TMEM184A: variants seen among roughly 807,000 people sequenced by gnomAD.
TMEM184A encodes the protein sexually dimorphic, expressed in male gonads 1.
TMEM184A carries 40 observed loss-of-function variants against 39.5 expected under a neutral mutation model. The ratio of observed to expected loss-of-function variants is 1.01; its 90% CI spans 0.79 to 1.32. TMEM184A has a LOEUF of 1.32. TMEM184A is among the 40% of genes most tolerant of loss of function. TMEM184A has a pLI of 0.00. For missense variants in TMEM184A, 603 were observed against 568.8 expected, an observed-to-expected ratio of 1.06 and a Z score of -0.61; for synonymous variants, 280 against 252.3, an observed-to-expected ratio of 1.11 and a Z score of -1.04.
rs3837151 is a variant in TMEM184A at position 1,547,027 on chromosome 7, G to GCC, written c.1166_1167insGG (p.Ser390AlafsTer19). 5.0e-5 allele frequency: 81 copies of GCC among 1,604,604 alleles called. No homozygotes were observed. In the Middle Eastern group the frequency reaches 1.1e-3, roughly 22 times the overall value. On this transcript the variant is annotated frameshift_variant, in exon 9 of 9. Transcript: ENST00000297477. LOFTEE classifies it low-confidence loss of function (END_TRUNC). Reference sequence around the variant, plus strand: ...TCCTGCTCCCGCCGGAGCCGCCGCTGGGGTGGGTGCCGGGCCTGGGCGCCT... The same window carrying GCC: ...TCCTGCTCCCGCCGGAGCCGCCGCTGCCGGGTGGGTGCCGGGCCTGGGCGCCT...
chr7:1,554,144 A>T (rs190201159), intron 2 of TMEM184A, among the ~76,000 whole-genome samples: 2 of 152,152 alleles, frequency 1.3e-5, no homozygotes, highest in East Asian at 3.9e-4. Flanking sequence ...TTCACAGCTC[A>T]CTGCAACCTT....
Position 1,546,639 on chromosome 7 carries a change from A to T in TMEM184A, c.*313T>A. The T allele has an allele frequency of 3.1e-6, 1 of 320,044 alleles. No homozygotes were observed. The highest frequency in any genetic ancestry group is 5.4e-5 in the East Asian group (1 of 18,362). 19.8% of individuals were successfully genotyped at this position (320,044 alleles called of 1,614,324 possible). A position where few individuals can be genotyped will look rare whatever the true frequency, so the allele number is the denominator to read the frequency against. On this transcript the variant is annotated 3_prime_UTR_variant, in exon 9 of 9. Coordinates refer to ENST00000297477, the MANE Select transcript of TMEM184A (RefSeq NM_001097620.2). The stretch of plus-strand genomic sequence containing the variant: ...GGGGTCCGTGCAGCCAAGGCCCCGC[A>T]GCCACACTCACTCTCCGCCCCACAG...
In TMEM184A at chr7:1,555,727, T is replaced by C. The variant is rs1424012965; in HGVS notation, c.1-243A>G. ...TGAGGGTCCCACCTCAATTCCCCCTTGTAAAACCAGCTTCCAACTCCGAGT... is the reference window on the plus strand; with the variant it reads ...TGAGGGTCCCACCTCAATTCCCCCTCGTAAAACCAGCTTCCAACTCCGAGT... On this transcript the variant is annotated intron_variant, in intron 1 of 8. Transcript: ENST00000297477. This position sits in a 1 kb window ranked among gnomAD's most constrained non-coding sequence, Gnocchi z 5.2. 6.6e-6 allele frequency among the ~76,000 whole-genome samples: 1 copy of C among 152,128 alleles called. No individual in the cohort carries two copies. The highest frequency in any genetic ancestry group is 1.5e-5 in the Non-Finnish European group (1 of 67,992).
chr7:1,551,946 A>C (rs1437780389), intron 2 of TMEM184A, among the ~76,000 whole-genome samples: 1 of 151,866 alleles, frequency 6.6e-6, no homozygotes, highest in African/African-American at 2.4e-5. Flanking sequence ...CAAAAAAAAA[A>C]AAATATTTTT....
chr7:1,547,040 G>T lies in TMEM184A; in HGVS notation c.1154C>A (p.Pro385His), dbSNP rs753122510. The T allele has an allele frequency of 1.2e-6, 2 of 1,606,630 alleles. No individual in the cohort carries two copies. Among genetic ancestry groups the T allele is most frequent in the South Asian group, 2.2e-5 (2 of 90,974 alleles). Reference sequence around the variant, plus strand: ...GGAGCCGCCGCTGGGGTGGGTGCCGGGCCTGGGCGCCTCGTGCGTGGCCTG... The same window carrying T: ...GGAGCCGCCGCTGGGGTGGGTGCCGTGCCTGGGCGCCTCGTGCGTGGCCTG... ...TQQATHEAPR[P>H]GTHPSGGSGG... The change falls in exon 9 of 9, where the codon CCC becomes CAC. Residue 385 changes from proline to histidine, a missense_variant. Coordinates refer to ENST00000297477, the MANE Select transcript of TMEM184A (RefSeq NM_001097620.2).
chr7:1,546,565 C>T lies in TMEM184A; in HGVS notation c.*387G>A, dbSNP rs1030896411. ...CCAGCTGCCCAGCCTGGGATCCGTC[C>T]GCTGTCTGTCTCCTGAACCAGGGAG... On this transcript the variant is annotated 3_prime_UTR_variant, in exon 9 of 9. Coordinates refer to ENST00000297477, the MANE Select transcript of TMEM184A (RefSeq NM_001097620.2). 10 of 185,354 alleles carry T rather than the reference C, an allele frequency of 5.4e-5. No individual in the cohort carries two copies. Among genetic ancestry groups the T allele is most frequent in the Admixed American group, 1.2e-4 (2 of 16,272 alleles). 11.5% of individuals were successfully genotyped at this position (185,354 alleles called of 1,614,324 possible).
In TMEM184A at chr7:1,555,401, A is replaced by T; in HGVS notation, c.84T>A (p.Ala28=). The T allele has an allele frequency of 6.2e-7, 1 of 1,611,778 alleles. No homozygotes were observed. The highest frequency in any genetic ancestry group is 8.5e-7 in the Non-Finnish European group (1 of 1,179,608). The part of the protein sequence containing the change: ...ANWPQPSPPP[A]VPAGPQMDHM... ...GGTCCATCTGCGGCCCAGCTGGCAC[A>T]GCCGGTGGGGGGCTGGGCTGCGGCC... The change falls in exon 2 of 9, where the codon GCT becomes GCA. Residue 28 remains alanine (A), a synonymous_variant. Transcript: ENST00000297477. The surrounding 1 kb of genome is among the most constrained non-coding windows in gnomAD (Gnocchi z 5.2).
intron 6 of TMEM184A, chr7:1,549,501 G>A (rs1343425787): frequency 2.1e-6 from 1 of 482,214 alleles, no homozygotes; most frequent in South Asian, 1.5e-5. Context: ...CTGGCCAGAA[G>A]CCCTGGGGTC....
intron 2 of TMEM184A, among the ~76,000 whole-genome samples, chr7:1,553,792 C>T (rs1236568505): frequency 6.6e-6 from 1 of 152,108 alleles, no homozygotes; most frequent in Non-Finnish European, 1.5e-5. Context: ...CGGCCTCGGT[C>T]CTCCCATGTA....
intron 6 of TMEM184A, chr7:1,549,384 G>A: frequency 7.8e-6 from 2 of 256,558 alleles, no homozygotes. Flanking sequence ...CTGGGTGGCT[G>A]CCTGTCTGTT....
intron 5 of TMEM184A, 46 bp downstream of exon 5, chr7:1,550,077 C>T (rs746773087): frequency 9.5e-6 from 11 of 1,155,232 alleles, no homozygotes; most frequent in African/African-American, 3.4e-5. Flanking sequence ...GGGCCCCTGA[C>T]GGGCTTGGGT....
In TMEM184A at chr7:1,551,058, G is replaced by A. The variant is rs1784572333; in HGVS notation, c.220-76C>T. On this transcript the variant is annotated intron_variant, in intron 2 of 8. Coordinates refer to ENST00000297477, the MANE Select transcript of TMEM184A (RefSeq NM_001097620.2). ...ACCAGCCCAGGTGAGCCGGGAAGGAGGTGGGGGTGGGTGCAGGAGGGTTTG... is the reference window on the plus strand; with the variant it reads ...ACCAGCCCAGGTGAGCCGGGAAGGAAGTGGGGGTGGGTGCAGGAGGGTTTG... The A allele has an allele frequency of 2.7e-6, 4 of 1,475,940 alleles. 1 individual carries two copies. Among genetic ancestry groups the A allele is most frequent in the Non-Finnish European group, 3.6e-6 (4 of 1,102,586 alleles). The allele number at this position is 1,475,940 out of a possible 1,614,324, so 91.4% of individuals were successfully genotyped here.
Position 1,549,868 on chromosome 7 carries a change from G to T in TMEM184A, c.630C>A (p.His210Gln), listed in dbSNP as rs370487069. The T allele has an allele frequency of 3.1e-6, 5 of 1,608,590 alleles. No homozygotes were observed. The Admixed American group carries it at 5.1e-5, about 16-fold the overall frequency. Reference sequence around the variant, plus strand: ...TCCCGCCTTACTTGAAGTCCCCGTCGTGGTATTTGCCAAATGCCTGGAGGA... The same window carrying T: ...TCCCGCCTTACTTGAAGTCCCCGTCTTGGTATTTGCCAAATGCCTGGAGGA... ...TIILQAFGKY[H>Q]DGDFNVRSGY... The change falls in exon 6 of 9, where the codon CAC becomes CAA. Residue 210 changes from histidine to glutamine, a missense_variant. His to Gln is a conservative substitution (Grantham distance 24). Coordinates refer to ENST00000297477, the MANE Select transcript of TMEM184A (RefSeq NM_001097620.2).
Position 1,543,464 on chromosome 7 carries a change from C to A in TMEM184A, c.*3488G>T, listed in dbSNP as rs1784251394. The stretch of plus-strand genomic sequence containing the variant: ...GAGCAAGACAGGGTCTGTCTGGGAG[C>A]AGAGAGCAAAGCGCCCCTGCACAGT... On this transcript the variant is annotated 3_prime_UTR_variant, in exon 9 of 9. Coordinates refer to ENST00000297477, the MANE Select transcript of TMEM184A (RefSeq NM_001097620.2). The A allele has an allele frequency of 6.6e-6, 1 of 152,232 alleles. No individual in the cohort carries two copies. Among genetic ancestry groups the A allele is most frequent in the African/African-American group, 2.4e-5 (1 of 41,454 alleles). The allele number at this position is 152,232 out of a possible 1,614,324, so 9.4% of individuals were successfully genotyped here. A position where few individuals can be genotyped will look rare whatever the true frequency, so the allele number is the denominator to read the frequency against.
chr7:1,548,867 G>C, intron 6 of TMEM184A, 179 bp from the exon 7 acceptor site: 1 of 765,354 alleles, frequency 1.3e-6, no homozygotes, highest in Non-Finnish European at 2.2e-6. Flanking sequence ...AGCGTGGGGA[G>C]CTGGGGGTGG....
chr7:1,548,993 G>A (rs535810981), intron 6 of TMEM184A: 69 of 571,732 alleles, frequency 1.2e-4, no homozygotes, highest in African/African-American at 9.0e-4. Flanking sequence ...TGCCTCTGTC[G>A]GAACGCCACC....
At chr7:1,550,667 G>T in intron 3 of TMEM184A, 150 bp downstream of exon 3, 1 of 1,036,210 alleles carries the variant, frequency 9.7e-7, no homozygotes, top group South Asian at 1.6e-5. Flanking sequence ...AGGCCTGCCA[G>T]CGCCGCTAAC....
In TMEM184A at chr7:1,555,035, C is replaced by T. The variant is rs1778498539; in HGVS notation, c.219+231G>A. 6.6e-6 allele frequency among the ~76,000 whole-genome samples: 1 copy of T among 152,142 alleles called. No homozygotes were observed. The highest frequency in any genetic ancestry group is 2.4e-5 in the African/African-American group (1 of 41,438). ...GCCGAGTGACGAGCCTGTGAAATAG[C>T]CAGGGGTGCCCGGTGGGCGCTCTGC... On this transcript the variant is annotated intron_variant, in intron 2 of 8. Coordinates refer to ENST00000297477, the MANE Select transcript of TMEM184A (RefSeq NM_001097620.2). This position sits in a 1 kb window ranked among gnomAD's most constrained non-coding sequence, Gnocchi z 5.2.
rs560964168 is a variant in TMEM184A, at chr7:1,555,557, C to T, written c.1-73G>A. 1.4e-5 allele frequency: 17 copies of T among 1,184,010 alleles called. No individual in the cohort carries two copies. Among genetic ancestry groups the T allele is most frequent in the Admixed American group, 3.5e-5 (2 of 57,164 alleles). 73.3% of individuals were successfully genotyped at this position (1,184,010 alleles called of 1,614,324 possible). A position where few individuals can be genotyped will look rare whatever the true frequency, so the allele number is the denominator to read the frequency against. On this transcript the variant is annotated intron_variant, in intron 1 of 8. Coordinates refer to ENST00000297477, the MANE Select transcript of TMEM184A (RefSeq NM_001097620.2). The surrounding 1 kb of genome is among the most constrained non-coding windows in gnomAD (Gnocchi z 5.2). ...ACTGGCTCCCGGCAGCAGGAAGCAG[C>T]GGGGGAGGGAGGAGACAGTGAGACG...
Sources: allele counts gnomAD v4.1 joint callset (sites outside exome capture counted in the v4.1 genomes callset), GRCh38; gene constraint gnomAD v4.1.1; non-coding constraint Gnocchi (gnomAD v3.1); transcripts MANE v1.5; gene names NCBI Gene and HGNC (gene_info 2026-07-23, HGNC 2026-07-21).